The following EPB41L4B variants were observed in gnomAD, a reference collection of about 807,000 sequenced individuals.
EPB41L4B encodes the protein band 4.1-like protein 4B.
Under a neutral mutation model 112.5 loss-of-function variants are expected in EPB41L4B, and 30 were observed. That is an observed-to-expected ratio of 0.27 (90% CI 0.20 to 0.36). The LOEUF (loss-of-function observed/expected upper bound fraction) is 0.36. Ranked by LOEUF, EPB41L4B falls within the 10% of genes least tolerant of loss-of-function variation. EPB41L4B has a pLI of 1.00. For synonymous variants in EPB41L4B, 408 were observed against 439.7 expected (o/e 0.93, Z 0.90); for missense variants, 1,024 against 1,133.3 (o/e 0.90, Z 1.38).
At chr9:109,217,807 A>C (rs113025508) in intron 15 of EPB41L4B, among the ~76,000 whole-genome samples, 81 of 152,258 alleles carry the variant, frequency 5.3e-4, no homozygotes, top group African/African-American at 1.9e-3. Flanking sequence ...TCCTGGGCTC[A>C]AGTGGTCCAC....
chr9:109,291,555 A>G (rs79521976), intron 1 of EPB41L4B, among the ~76,000 whole-genome samples: 1,814 of 152,346 alleles, frequency 0.012, 21 homozygotes, highest in Non-Finnish European at 0.02. Flanking sequence ...TGGAAATTCA[A>G]TTCTGGTAAA....
In EPB41L4B at chr9:109,207,973, C is replaced by T. The variant is rs1833040081; in HGVS notation, c.1829G>A (p.Cys610Tyr). 6.2e-7 allele frequency: 1 copy of T among 1,614,190 alleles called. No individual in the cohort carries two copies. The highest frequency in any genetic ancestry group is 8.5e-7 in the Non-Finnish European group (1 of 1,180,028). ...LPSPVADHVK[C>Y]NILKAQLENA... ...TTCCAACTGGGCTTTCAGAATGTTA[C>T]ACTTCACATGATCCGCAACAGGGGA... is the stretch of plus-strand genomic sequence containing the variant. The change falls in exon 18 of 26, where the codon TGT (cysteine) becomes TAT (tyrosine). Residue 610 changes from cysteine (C) to tyrosine (Y), a missense_variant. Physicochemically the swap from Cys to Tyr is radical, Grantham distance 194. Transcript: ENST00000374566.
At chr9:109,248,214 C>T (rs960736433) in intron 13 of EPB41L4B, among the ~76,000 whole-genome samples, 7 of 152,196 alleles carry the variant, frequency 4.6e-5, no homozygotes, top group Admixed American at 3.3e-4. Context: ...GGGGAGGCAC[C>T]GATCCCTCCT....
intron 15 of EPB41L4B, 22 bp downstream of exon 15, chr9:109,243,596 C>G: frequency 6.2e-7 from 1 of 1,613,070 alleles, no homozygotes; most frequent in Non-Finnish European, 8.5e-7. Context: ...GAAGGTGCAG[C>G]TCTGGAAGCA....
chr9:109,234,274 C>G (rs1282721606), intron 15 of EPB41L4B, among the ~76,000 whole-genome samples: 1 of 152,090 alleles, frequency 6.6e-6, no homozygotes, highest in African/African-American at 2.4e-5. Context: ...ACCTTTTAAC[C>G]TGGATGCTAC....
intron 17 of EPB41L4B, among the ~76,000 whole-genome samples, chr9:109,210,277 T>A (rs957214725): frequency 1.3e-5 from 2 of 152,212 alleles, no homozygotes; most frequent in African/African-American, 4.8e-5. Flanking sequence ...AGTATACCCT[T>A]AAGATAATTT....
At chr9:109,198,426 A>T (rs1374871138) in intron 20 of EPB41L4B, among the ~76,000 whole-genome samples, 2 of 152,172 alleles carry the variant, frequency 1.3e-5, no homozygotes, top group Non-Finnish European at 2.9e-5. Flanking sequence ...TTTACAGAGG[A>T]AGGAAGAGAG....
chr9:109,299,490 C>T (rs1284885531), intron 1 of EPB41L4B, among the ~76,000 whole-genome samples: 1 of 152,042 alleles, frequency 6.6e-6, no homozygotes, highest in Admixed American at 6.5e-5. Context: ...TGCTATGTTG[C>T]CTAGGCTGGT....
chr9:109,256,908 C>A (rs1835004163), intron 7 of EPB41L4B, among the ~76,000 whole-genome samples: 1 of 152,192 alleles, frequency 6.6e-6, no homozygotes, highest in Non-Finnish European at 1.5e-5. Flanking sequence ...AAGATCGTGC[C>A]ATTGCACTCC....
chr9:109,290,873 T>C (rs947406099), intron 1 of EPB41L4B, among the ~76,000 whole-genome samples: 16 of 152,148 alleles, frequency 1.1e-4, no homozygotes, highest in African/African-American at 3.9e-4. Flanking sequence ...ACATCATAAA[T>C]ACGAATATCT....
intron 1 of EPB41L4B, among the ~76,000 whole-genome samples, chr9:109,284,315 A>G (rs1421567792): frequency 6.6e-6 from 1 of 152,208 alleles, no homozygotes; most frequent in Non-Finnish European, 1.5e-5. Flanking sequence ...TTACTTTCAC[A>G]CCATCATAAA....
intron 1 of EPB41L4B, among the ~76,000 whole-genome samples, chr9:109,281,714 AAATAAATAAATT>A (rs1298103276): frequency 9.3e-4 from 116 of 124,854 alleles, no homozygotes; most frequent in African/African-American, 1.6e-3. Flanking sequence ...ATAAATAAAT[AAATAAATAAATT>A]AATTAATTAA....
intron 22 of EPB41L4B, among the ~76,000 whole-genome samples, chr9:109,185,956 G>A (rs118031331): frequency 0.012 from 1,851 of 152,146 alleles, 14 homozygotes; most frequent in Middle Eastern, 0.037. Context: ...TTCTTGGCAC[G>A]CGGTTGAGGG....
At chr9:109,225,113 G>C (rs1211598870) in intron 15 of EPB41L4B, among the ~76,000 whole-genome samples, 3 of 152,212 alleles carry the variant, frequency 2.0e-5, no homozygotes, top group Non-Finnish European at 2.9e-5. Context: ...TAACTCTGTA[G>C]GAACAGAGAC....
At chr9:109,264,715 G>C (rs947102225) in intron 5 of EPB41L4B, among the ~76,000 whole-genome samples, 1 of 152,228 alleles carries the variant, frequency 6.6e-6, no homozygotes, top group Non-Finnish European at 1.5e-5. Context: ...GAATGGGACA[G>C]TGATGTGATC....
chr9:109,176,466 A>C (rs1831841698), intron 25 of EPB41L4B, 85 bp downstream of exon 25: 2 of 1,414,666 alleles, frequency 1.4e-6, no homozygotes, highest in African/African-American at 2.9e-5. Context: ...AAAGGCCTGT[A>C]CGTGTCACAA....
chr9:109,300,535 C>T (rs1202909007), intron 1 of EPB41L4B: 1 of 152,098 alleles, frequency 6.6e-6, no homozygotes, highest in Admixed American at 6.5e-5. Context: ...CCTGTAATCC[C>T]AACATTTTGG....
At chr9:109,305,593 G>C (rs1184111722) in intron 1 of EPB41L4B, among the ~76,000 whole-genome samples, 1 of 152,110 alleles carries the variant, frequency 6.6e-6, no homozygotes, top group African/African-American at 2.4e-5. Context: ...ACTCCATCCT[G>C]GGCGAAAGAG....
chr9:109,279,417 T>C (rs982951566), intron 2 of EPB41L4B, among the ~76,000 whole-genome samples: 5 of 152,066 alleles, frequency 3.3e-5, no homozygotes, highest in South Asian at 2.1e-4. Flanking sequence ...GAGTTTCACC[T>C]TGTTGCCCAG....
Sources: gnomAD v4.1 joint callset for allele counts (sites outside exome capture counted in the v4.1 genomes callset) on GRCh38, gnomAD v4.1.1 for gene constraint, MANE v1.5 for transcripts, NCBI Gene and HGNC (gene_info 2026-07-23, HGNC 2026-07-21) for gene names.